The following TEKTIP1 variants were observed in gnomAD, a reference collection of about 807,000 sequenced individuals.
The protein encoded by TEKTIP1 is tektin bundle-interacting protein 1.
At chr19:3,542,308 G>T in the TEKTIP1 span, 2 of 985,408 alleles carry the variant, frequency 2.0e-6, no homozygotes, top group Non-Finnish European at 1.2e-6. Context: ...CAGGATTTAA[G>T]CAGAGTTCCT....
chr19:3,543,856 A>C, the TEKTIP1 span: 1 of 1,546,922 alleles, frequency 6.5e-7, no homozygotes, highest in Non-Finnish European at 8.7e-7. Flanking sequence ...TACGGGGTGG[A>C]GCCACTGTGG....
At chr19:3,543,186 G>A in the TEKTIP1 span, 2 of 1,527,738 alleles carry the variant, frequency 1.3e-6, no homozygotes, top group East Asian at 4.9e-5. Context: ...AGGGGTCAAA[G>A]CACTCGCTGT....
At chr19:3,541,804 T>A in the TEKTIP1 span, 2 of 984,722 alleles carry the variant, frequency 2.0e-6, no homozygotes, top group Non-Finnish European at 2.4e-6. Context: ...TTGAATATTA[T>A]TCTGTGCTGT....
chr19:3,543,050 C>G, the TEKTIP1 span: 5 of 1,603,666 alleles, frequency 3.1e-6, no homozygotes, highest in Non-Finnish European at 4.2e-6. Flanking sequence ...GAGTCAGCCT[C>G]TCTCCTCAAG....
At chr19:3,543,291 C>T in the TEKTIP1 span, 1 of 1,548,648 alleles carries the variant, frequency 6.5e-7, no homozygotes. Flanking sequence ...AGGCAGGCCA[C>T]ACGCTGGAAG....
At chr19:3,542,803 C>A in the TEKTIP1 span, 7 of 1,371,436 alleles carry the variant, frequency 5.1e-6, no homozygotes, top group Non-Finnish European at 6.8e-6. Flanking sequence ...CCAGTCTTCC[C>A]TGGGCCATGG....
At chr19:3,543,623 A>C in the TEKTIP1 span, 1 of 1,544,700 alleles carries the variant, frequency 6.5e-7, no homozygotes, top group Non-Finnish European at 8.7e-7. Flanking sequence ...CCAGGCCCCC[A>C]GCACCCGGTG....
the TEKTIP1 span, among the ~76,000 whole-genome samples, chr19:3,540,852 C>A: frequency 7.8e-6 from 1 of 128,666 alleles, no homozygotes. Context: ...GGACTTCAGC[C>A]CAGAGCGAAA....
chr19:3,543,753 CG>C, the TEKTIP1 span: 1 of 1,490,744 alleles, frequency 6.7e-7, no homozygotes, highest in Non-Finnish European at 9.0e-7. Flanking sequence ...TGAAACTGCC[CG>C]GGGCGATCCA....
chr19:3,543,922 C>G, the TEKTIP1 span: 2 of 1,551,264 alleles, frequency 1.3e-6, no homozygotes, highest in South Asian at 2.4e-5. Context: ...CCCGGCACCA[C>G]CCAGAACTAC....
chr19:3,539,263 GAGCCCCTCCCTACAGGTGAGCCCCTCCC>G, the TEKTIP1 span: 8 of 1,543,670 alleles, frequency 5.2e-6, no homozygotes, highest in East Asian at 4.9e-5. Context: ...CTGTACAGGT[GAGCCCCTCCCTACAGGTGAGCCCCTCCC>G]AGCCCCTCCC....
At chr19:3,542,832 C>T in the TEKTIP1 span, 5 of 1,376,088 alleles carry the variant, frequency 3.6e-6, no homozygotes, top group South Asian at 1.1e-5. Context: ...CAGCCCCAGA[C>T]CACTTCTTCC....
the TEKTIP1 span, among the ~76,000 whole-genome samples, chr19:3,540,481 C>A: frequency 1.3e-5 from 2 of 150,650 alleles, no homozygotes; most frequent in African/African-American, 4.9e-5. Context: ...TGGTCTCGAT[C>A]TCCTGACCTC....
chr19:3,542,266 T>A, the TEKTIP1 span: 1 of 985,418 alleles, frequency 1.0e-6, no homozygotes, highest in Non-Finnish European at 1.2e-6. Flanking sequence ...ACCAGGCTAC[T>A]CCCATGTTCT....
the TEKTIP1 span, chr19:3,542,881 G>A: frequency 7.1e-6 from 10 of 1,399,722 alleles, no homozygotes; most frequent in Non-Finnish European, 6.7e-6. Context: ...CCAGAGGAAG[G>A]GACTTGTGGG....
chr19:3,543,453 G>A, the TEKTIP1 span: 151 of 1,543,700 alleles, frequency 9.8e-5, no homozygotes, highest in East Asian at 1.0e-3. Context: ...TACCAACACC[G>A]TGAGTGCAGC....
the TEKTIP1 span, chr19:3,539,257 A>G: frequency 6.5e-7 from 1 of 1,545,422 alleles, no homozygotes; most frequent in South Asian, 1.2e-5. Flanking sequence ...GCACCGCTGT[A>G]CAGGTGAGCC....
the TEKTIP1 span, chr19:3,543,911 G>A: frequency 4.5e-5 from 70 of 1,550,928 alleles, no homozygotes; most frequent in Admixed American, 7.8e-4. Flanking sequence ...CCCAGCGCCC[G>A]CCCGGCACCA....
At chr19:3,542,525 G>A in the TEKTIP1 span, 1 of 926,352 alleles carries the variant, frequency 1.1e-6, no homozygotes. Context: ...CCAGGCTGGA[G>A]TGCAAGGGCA....
Sources: gnomAD v4.1 joint callset for allele counts (sites outside exome capture counted in the v4.1 genomes callset) on GRCh38, gnomAD v4.1.1 for gene constraint, MANE v1.5 for transcripts, NCBI Gene and HGNC (gene_info 2026-07-23, HGNC 2026-07-21) for gene names.